FER1L6: variants seen among roughly 807,000 people sequenced by gnomAD.
The protein encoded by FER1L6 is fer-1-like protein 6.
Under a neutral mutation model 219.2 loss-of-function variants are expected in FER1L6, and 177 were observed. That is an observed-to-expected ratio of 0.81 (90% confidence interval 0.71 to 0.91). The LOEUF is 0.91. Ranked by LOEUF, FER1L6 falls within the 40% of genes least tolerant of loss-of-function variation. The pLI, the probability that FER1L6 is intolerant of heterozygous loss-of-function variation, is 0.00. For missense variants in FER1L6, 2,153 were observed against 2,259.9 expected (o/e 0.95, Z 0.96); for synonymous variants, 768 against 824.3 (o/e 0.93, Z 1.17).
intron 25 of FER1L6, 127 bp downstream of exon 25, chr8:124,062,159 G>A: frequency 1.0e-6 from 1 of 952,814 alleles, no homozygotes; most frequent in Non-Finnish European, 1.6e-6. Context: ...TTTCTGATGA[G>A]CTTGCTCCTG....
chr8:123,956,187 T>A, intron 2 of FER1L6, 113 bp downstream of exon 2: 1 of 960,670 alleles, frequency 1.0e-6, no homozygotes, highest in Non-Finnish European at 1.6e-6. Flanking sequence ...AGTGTGAATG[T>A]GCTGCCCCCG....
chr8:124,090,956 C>A (rs1822004545), intron 33 of FER1L6, among the ~76,000 whole-genome samples: 1 of 152,032 alleles, frequency 6.6e-6, no homozygotes, highest in Non-Finnish European at 1.5e-5. Context: ...ATATAACCTG[C>A]AAAGAAATGC....
At chr8:124,016,883 T>G (rs897580193) in intron 15 of FER1L6, among the ~76,000 whole-genome samples, 1 of 152,208 alleles carries the variant, frequency 6.6e-6, no homozygotes, top group Non-Finnish European at 1.5e-5. Flanking sequence ...AATTCTAGTG[T>G]AATTTAGTTT....
rs966278038 is a variant in FER1L6 at position 123,902,484 on chromosome 8, G to C, written c.-8+50299G>C. Among the ~76,000 whole-genome samples, 3 of 152,108 alleles carry C rather than the reference G, an allele frequency of 2.0e-5. No individual in the cohort carries two copies. In the South Asian group the frequency reaches 6.2e-4, roughly 32 times the overall value. The stretch of plus-strand genomic sequence containing the variant: ...TAGTAATTGTTTTATAAATTTGGCA[G>C]CTCCAGTGTTAGGTGTGTATATGTT... On this transcript the variant is annotated intron_variant, in intron 1 of 40. Transcript: ENST00000522917.
intron 25 of FER1L6, among the ~76,000 whole-genome samples, chr8:124,062,676 C>G (rs1820640061): frequency 1.3e-5 from 2 of 152,148 alleles, no homozygotes; most frequent in Admixed American, 1.3e-4. Context: ...ATATTAGACC[C>G]ATTGACTACC....
At chr8:123,959,330 T>A (rs780341295) in intron 2 of FER1L6, among the ~76,000 whole-genome samples, 2 of 152,124 alleles carry the variant, frequency 1.3e-5, no homozygotes, top group Non-Finnish European at 2.9e-5. Context: ...ATATAACGTG[T>A]CTTTGAACGT....
intron 1 of FER1L6, among the ~76,000 whole-genome samples, chr8:123,863,033 G>A (rs1319259154): frequency 1.5e-5 from 2 of 136,178 alleles, no homozygotes; most frequent in African/African-American, 6.7e-5. Flanking sequence ...TTTTGAATGT[G>A]TTTGCTCTTG....
At chr8:123,975,404 C>G (rs140565592) in intron 8 of FER1L6, 98 bp downstream of exon 8, 3 of 1,165,762 alleles carry the variant, frequency 2.6e-6, no homozygotes, top group East Asian at 5.1e-5. Flanking sequence ...ACATGAGAAC[C>G]ATGCTTCTTC....
intron 1 of FER1L6, among the ~76,000 whole-genome samples, chr8:123,889,941 G>T (rs1325139173): frequency 6.6e-6 from 1 of 152,022 alleles, no homozygotes; most frequent in African/African-American, 2.4e-5. Flanking sequence ...TGCACATTCA[G>T]AGAAAACAAA....
At chr8:124,048,086 C>T (rs1454104777) in intron 21 of FER1L6, among the ~76,000 whole-genome samples, 1 of 152,194 alleles carries the variant, frequency 6.6e-6, no homozygotes, top group Non-Finnish European at 1.5e-5. Context: ...CACCCATCCC[C>T]AAAACAGGTC....
intron 1 of FER1L6, among the ~76,000 whole-genome samples, chr8:123,872,068 G>GGAA (rs1816932471): frequency 1.3e-5 from 2 of 152,270 alleles, no homozygotes; most frequent in South Asian, 4.1e-4. Context: ...CATGGCAGAA[G>GGAA]GTGAAGGGGG....
In FER1L6 at chr8:124,097,511, C is replaced by G. The variant is rs562178415; in HGVS notation, c.4784+152C>G. On this transcript the variant is annotated intron_variant, in intron 36 of 40. Coordinates refer to ENST00000522917, the MANE Select transcript of FER1L6 (RefSeq NM_001039112.2). ...TTCAGGAGCTGGTGGTGGCCCCTGT[C>G]TTAAGGGAGGGGCTTCTGAGTTTCC... 29 of 626,946 alleles carry G rather than the reference C, an allele frequency of 4.6e-5. No homozygotes were observed. In the South Asian group the frequency reaches 5.7e-4, roughly 12 times the overall value. 38.8% of individuals were successfully genotyped at this position (626,946 alleles called of 1,614,324 possible).
chr8:123,888,869 C>A (rs918621792), intron 1 of FER1L6, among the ~76,000 whole-genome samples: 2 of 152,198 alleles, frequency 1.3e-5, no homozygotes, highest in East Asian at 3.8e-4. Context: ...TATGTCTTGT[C>A]TACCAAATTG....
At chr8:123,933,563 A>T (rs560951511) in intron 1 of FER1L6, among the ~76,000 whole-genome samples, 9 of 152,364 alleles carry the variant, frequency 5.9e-5, no homozygotes. Context: ...GCACACATGC[A>T]CAGGTCTGAG....
intron 32 of FER1L6, among the ~76,000 whole-genome samples, chr8:124,080,411 G>A (rs1821488281): frequency 6.6e-6 from 1 of 152,020 alleles, no homozygotes; most frequent in East Asian, 1.9e-4. Flanking sequence ...TCCACCTGCT[G>A]GGTTCAAGCT....
rs201414326 is a variant in FER1L6 at position 124,010,631 on chromosome 8, T to C, written c.1738T>C (p.Cys580Arg). 6.1e-5 allele frequency: 98 copies of C among 1,614,102 alleles called. No homozygotes were observed. The East Asian group carries it at 2.0e-3, about 33-fold the overall frequency. Residue 580 changes from cysteine to arginine, a missense_variant, in exon 14 of 41, where the codon TGT (cysteine) becomes CGT (arginine). Cys to Arg is a radical substitution (Grantham distance 180). Transcript: ENST00000522917. ...NYLPFEAKKP[C>R]VYFISSWGDQ... ...TTTGCCATTTGAGGCTAAGAAGCCC[T>C]GTGTCTATTTCATCAGCTCTTGGGG...
intron 1 of FER1L6, among the ~76,000 whole-genome samples, chr8:123,937,489 C>T (rs114733317): frequency 1.1e-3 from 160 of 152,222 alleles, no homozygotes; most frequent in African/African-American, 3.6e-3. Context: ...AGTGTCTAGT[C>T]CTACAGGTTT....
chr8:123,916,642 G>A (rs1274297307), intron 1 of FER1L6, among the ~76,000 whole-genome samples: 2 of 152,200 alleles, frequency 1.3e-5, no homozygotes, highest in Non-Finnish European at 2.9e-5. Context: ...CATGTAGGTA[G>A]CAACCCTTTT....
intron 39 of FER1L6, among the ~76,000 whole-genome samples, chr8:124,116,383 G>C (rs1163039671): frequency 2.6e-5 from 4 of 151,894 alleles, no homozygotes; most frequent in African/African-American, 9.7e-5. Flanking sequence ...AAGTTATAAA[G>C]TGCGATAGCC....
Sources: allele counts gnomAD v4.1 joint callset (sites outside exome capture counted in the v4.1 genomes callset), GRCh38; gene constraint gnomAD v4.1.1; transcripts MANE v1.5; gene names NCBI Gene and HGNC (gene_info 2026-07-23, HGNC 2026-07-21).